The following CCDC142 variants were observed in gnomAD, a reference collection of about 807,000 sequenced individuals.
CCDC142 encodes coiled-coil domain containing 142.
CCDC142 carries 67 observed loss-of-function variants against 83.8 expected under a neutral mutation model. The ratio of observed to expected loss-of-function variants is 0.80; its 90% CI spans 0.66 to 0.98. The LOEUF (loss-of-function observed/expected upper bound fraction) is 0.98. Among genes scored for constraint, CCDC142 ranks in the 50% least tolerant of loss-of-function variants. The pLI is 0.00. For synonymous variants in CCDC142, 421 were observed against 421.2 expected (o/e 1.00, Z 0.01); for missense variants, 905 against 946.8 (o/e 0.96, Z 0.58).
chr2:74,481,245 T>C lies in CCDC142; in HGVS notation c.1236A>G (p.Arg412=), dbSNP rs372821642. Residue 412 remains arginine (R), a synonymous_variant, in exon 3 of 9, where the codon CGA becomes CGG. Coordinates refer to ENST00000393965, the MANE Select transcript of CCDC142 (RefSeq NM_001365575.2). ...LLDALREPRL[R]RIFCQPADPA... ...CACCTGCAGGCTGGCAGAAAATCCGTCGTAACCTGGGCTCTCGAAGGGCAT... is the reference window on the plus strand; with the variant it reads ...CACCTGCAGGCTGGCAGAAAATCCGCCGTAACCTGGGCTCTCGAAGGGCAT... 32 of 1,613,902 alleles carry C rather than the reference T, an allele frequency of 2.0e-5. No individual in the cohort carries two copies. The highest frequency in any genetic ancestry group is 2.6e-5 in the Non-Finnish European group (31 of 1,179,950).
Position 74,481,363 on chromosome 2 carries a change from T to G in CCDC142, c.1118A>C (p.Gln373Pro). Reference protein sequence around the residue: ...LIWSWDQGFCQALGSALGGQS... With the variant: ...LIWSWDQGFCPALGSALGGQS... ...ACCCCCAAGAGCTGATCCCAAGGCC[T>G]GGCAGAAACCTGAGGATGAGAGAGT... The change falls in exon 3 of 9, where the codon CAG becomes CCG. Residue 373 changes from glutamine to proline, a missense_variant. Gln to Pro is a moderately conservative substitution (Grantham distance 76). Around this residue, in one of 3 missense-constraint regions of CCDC142, gnomAD observed 591 missense variants for 571.4 expected, o/e 1.03. Transcript: ENST00000393965. 6.2e-7 allele frequency: 1 copy of G among 1,614,054 alleles called. No homozygotes were observed. The highest frequency in any genetic ancestry group is 1.3e-5 in the African/African-American group (1 of 75,018).
At chr2:74,480,254 C>A (rs1388043687) in intron 5 of CCDC142, among the ~76,000 whole-genome samples, 1 of 152,086 alleles carries the variant, frequency 6.6e-6, no homozygotes, top group Non-Finnish European at 1.5e-5. Context: ...CCATTATACA[C>A]CTCTCTCTAC....
chr2:74,479,421 T>C (rs1409571418), intron 5 of CCDC142, among the ~76,000 whole-genome samples: 1 of 152,166 alleles, frequency 6.6e-6, no homozygotes, highest in Admixed American at 6.5e-5. Context: ...AGAAAAAGTA[T>C]AATGGCTTTA....
chr2:74,475,583 T>C (rs1430717546), intron 6 of CCDC142, 29 bp downstream of exon 6: 2 of 1,582,868 alleles, frequency 1.3e-6, no homozygotes, highest in African/African-American at 1.3e-5. Flanking sequence ...CTTGGAACTC[T>C]GGAAGGAGAA....
At position 74,475,104 on chromosome 2, in the gene CCDC142, G is replaced by C. The variant is rs762591916; in HGVS notation, c.1808C>G (p.Ala603Gly). 9 of 1,610,222 alleles carry C rather than the reference G, an allele frequency of 5.6e-6. No homozygotes were observed. The highest frequency in any genetic ancestry group is 7.6e-6 in the Non-Finnish European group (9 of 1,177,882). ...THGIRFSLQG[A>G]LQLKQDFGVV... ...TCCAAAGTCTTGTTTGAGCTGCAGC[G>C]CTCCCTGCAGGCTGAAGGCAGAGGT... is the stretch of plus-strand genomic sequence containing the variant. Residue 603 changes from alanine (A) to glycine (G), a missense_variant, in exon 8 of 9, where the codon GCG (alanine) becomes GGG (glycine). Coordinates refer to ENST00000393965, the MANE Select transcript of CCDC142 (RefSeq NM_001365575.2).
chr2:74,480,948 C>G lies in CCDC142; in HGVS notation c.1389+8G>C, dbSNP rs753212783. 1 of 1,613,456 alleles carries G rather than the reference C, an allele frequency of 6.2e-7. No homozygotes were observed. The highest frequency in any genetic ancestry group is 1.3e-5 in the African/African-American group (1 of 74,930). On this transcript the variant is annotated splice_region_variant and intron_variant, in intron 4 of 8. Transcript: ENST00000393965. Reference sequence around the variant, plus strand: ...GGCTGCTCCCCTCCCTACTCCCCAGCCACTCACAGGTAAGTCCTTTTGGAT... The same window carrying G: ...GGCTGCTCCCCTCCCTACTCCCCAGGCACTCACAGGTAAGTCCTTTTGGAT...
At position 74,472,985 on chromosome 2, in the gene CCDC142, C is replaced by T. The variant is rs1025954645; in HGVS notation, c.*1561G>A. On this transcript the variant is annotated 3_prime_UTR_variant, in exon 9 of 9. Transcript: ENST00000393965. The stretch of plus-strand genomic sequence containing the variant: ...ACGCCCGTTTTCTGCAGCCTTTCCC[C>T]TTCTGTACCCTGCTGGGCCACATCT... 3.4e-5 allele frequency: 14 copies of T among 407,352 alleles called. No homozygotes were observed. The highest frequency in any genetic ancestry group is 2.5e-4 in the African/African-American group (12 of 48,736). 25.2% of individuals were successfully genotyped at this position (407,352 alleles called of 1,614,324 possible).
At position 74,473,207 on chromosome 2, in the gene CCDC142, A is replaced by T. The variant is rs1053124164; in HGVS notation, c.*1339T>A. 7 of 186,682 alleles carry T rather than the reference A, an allele frequency of 3.7e-5. No homozygotes were observed. The highest frequency in any genetic ancestry group is 1.4e-4 in the African/African-American group (6 of 41,718). The allele number at this position is 186,682 out of a possible 1,614,324, so 11.6% of individuals were successfully genotyped here. ...GACTGAAAATAGTAATAGGAAGGGC[A>T]GTACAGGGTAATACTGTCCTTGGGG... On this transcript the variant is annotated 3_prime_UTR_variant, in exon 9 of 9. Coordinates refer to ENST00000393965, the MANE Select transcript of CCDC142 (RefSeq NM_001365575.2).
rs144253178 is a variant in CCDC142, at chr2:74,474,741, G to A, written c.2058C>T (p.Ser686=). The A allele has an allele frequency of 5.4e-5, 87 of 1,613,948 alleles. No individual in the cohort carries two copies. Among genetic ancestry groups the A allele is most frequent in the African/African-American group, 9.3e-5 (7 of 74,952 alleles). The change falls in exon 9 of 9, where the codon AGC becomes AGT. Residue 686 remains serine (S), a synonymous_variant. Transcript: ENST00000393965. ...TTCCAGGCTGGAGCGGGGGCTCCAA[G>A]CTCTCCAGGCTATTGAGGCAGCTGC... ...LPSSCLNSLE[S]LEPPLQPGTS... is the part of the protein sequence containing the mutation.
At chr2:74,476,812 GA>G (rs777148862) in intron 5 of CCDC142, among the ~76,000 whole-genome samples, 17 of 152,212 alleles carry the variant, frequency 1.1e-4, no homozygotes, top group South Asian at 2.1e-4. Context: ...GCTCTGTAAA[GA>G]AATGGTAGAT....
Position 74,473,688 on chromosome 2 carries a change from C to T in CCDC142, c.*858G>A, listed in dbSNP as rs1672243064. 1 of 152,122 alleles carries T rather than the reference C, an allele frequency of 6.6e-6. No individual in the cohort carries two copies. The highest frequency in any genetic ancestry group is 1.5e-5 in the Non-Finnish European group (1 of 68,078). 9.4% of individuals were successfully genotyped at this position (152,122 alleles called of 1,614,324 possible). A position where few individuals can be genotyped will look rare whatever the true frequency, so the allele number is the denominator to read the frequency against. On this transcript the variant is annotated 3_prime_UTR_variant, in exon 9 of 9. Transcript: ENST00000393965. ...GATGGAGAACTAGGCCTGAACCTCC[C>T]AAGGGTCTGACCTTCAGGTTCCAGG...
At position 74,473,487 on chromosome 2, in the gene CCDC142, AT is replaced by A. The variant is rs1167325790; in HGVS notation, c.*1058del. 6.6e-6 allele frequency among the ~76,000 whole-genome samples: 1 copy of A among 151,400 alleles called. No homozygotes were observed. ...AGGCGCGTGCCACCACGCCCGGCTAATTTTTTGTATTTTTAGTAGAGGCGGG... is the reference window on the plus strand; with the variant it reads ...AGGCGCGTGCCACCACGCCCGGCTAATTTTTGTATTTTTAGTAGAGGCGGG... On this transcript the variant is annotated 3_prime_UTR_variant, in exon 9 of 9. Coordinates refer to ENST00000393965, the MANE Select transcript of CCDC142 (RefSeq NM_001365575.2).
intron 5 of CCDC142, among the ~76,000 whole-genome samples, chr2:74,477,712 G>A (rs1672354637): frequency 6.6e-6 from 1 of 152,142 alleles, no homozygotes; most frequent in African/African-American, 2.4e-5. Flanking sequence ...CTTCCTCAGG[G>A]CTCTATGACC....
chr2:74,475,381 T>C lies in CCDC142; in HGVS notation c.1640A>G (p.Glu547Gly). 1 of 1,591,156 alleles carries C rather than the reference T, an allele frequency of 6.3e-7. No homozygotes were observed. Residue 547 changes from glutamate (E) to glycine (G), a missense_variant, in exon 7 of 9, where the codon GAG (glutamate) becomes GGG (glycine). This residue lies in a region of CCDC142 where 265 missense variants were observed against 288.9 expected (regional missense o/e 0.92). Coordinates refer to ENST00000393965, the MANE Select transcript of CCDC142 (RefSeq NM_001365575.2). The part of the protein sequence containing the change: ...LCPEPPSAPS[E>G]YAGLVVRTVL... ...GGTGCGGACCACTAAACCAGCATAC[T>C]CACTAGGAGCACTGGGAGGTTCTGG...
At chr2:74,481,594 C>T in intron 1 of CCDC142, 56 bp from the exon 2 acceptor site, 2 of 1,533,888 alleles carry the variant, frequency 1.3e-6, no homozygotes, top group Non-Finnish European at 1.8e-6. Context: ...TCCACAACCC[C>T]TGCCCACTCA....
rs36104438 is a variant in CCDC142, at chr2:74,474,081, A to ATTTTTTT, written c.*458_*464dup. ...GCCACCATGCCCTGCCTAATCTTGGATTTTTTTTTTTTTTTTTTTTGAGAC... is the reference window on the plus strand; with the variant it reads ...GCCACCATGCCCTGCCTAATCTTGGATTTTTTTTTTTTTTTTTTTTTTTTTTTGAGAC... On this transcript the variant is annotated 3_prime_UTR_variant, in exon 9 of 9. Transcript: ENST00000393965. 3 of 97,414 alleles carry ATTTTTTT rather than the reference A, an allele frequency of 3.1e-5. No individual in the cohort carries two copies. Among genetic ancestry groups the ATTTTTTT allele is most frequent in the Non-Finnish European group, 6.2e-5 (3 of 48,282 alleles). The allele number at this position is 97,414 out of a possible 1,614,324, so 6.0% of individuals were successfully genotyped here.
rs1322816924 is a variant in CCDC142, at chr2:74,482,022, C to T, written c.816G>A (p.Gly272=). 1.2e-6 allele frequency: 2 copies of T among 1,613,770 alleles called. No homozygotes were observed. Among genetic ancestry groups the T allele is most frequent in the African/African-American group, 1.3e-5 (1 of 75,070 alleles). The change falls in exon 1 of 9, where the codon GGG becomes GGA. Residue 272 remains glycine, a synonymous_variant. Coordinates refer to ENST00000393965, the MANE Select transcript of CCDC142 (RefSeq NM_001365575.2). This position sits in a 1 kb window ranked among gnomAD's most constrained non-coding sequence, Gnocchi z 5.0. ...GGCCCAGCAGCCCTGGTAGCAGATC[C>T]CCCTCCTCTTGGCACCGCCTGCGGA... ...DQLRRRCQEE[G]DLLPGLLGLV...
Position 74,482,888 on chromosome 2 carries a change from C to T in CCDC142, c.-51G>A. 1.3e-6 allele frequency: 2 copies of T among 1,567,676 alleles called. No homozygotes were observed. The highest frequency in any genetic ancestry group is 2.3e-5 in the South Asian group (2 of 85,708). The stretch of plus-strand genomic sequence containing the variant: ...AACGATTCCCACTTCCCTGCACGGA[C>T]CAACGCCCGCCGCAGCTCGGACTTC... On this transcript the variant is annotated 5_prime_UTR_variant, in exon 1 of 9. The change creates a premature stop within an existing upstream ORF in the 5' untranslated region. Coordinates refer to ENST00000393965, the MANE Select transcript of CCDC142 (RefSeq NM_001365575.2). This position sits in a 1 kb window ranked among gnomAD's most constrained non-coding sequence, Gnocchi z 5.0.
intron 5 of CCDC142, 121 bp downstream of exon 5, chr2:74,480,647 AT>A (rs1672419270): frequency 1.6e-6 from 1 of 620,854 alleles, no homozygotes; most frequent in East Asian, 2.7e-5. Flanking sequence ...GCAAAAAAAG[AT>A]ACATTTAGCA....
Sources: allele counts gnomAD v4.1 joint callset (sites outside exome capture counted in the v4.1 genomes callset), GRCh38; gene constraint gnomAD v4.1.1; regional missense constraint gnomAD v4.1.1; non-coding constraint Gnocchi (gnomAD v3.1); transcripts MANE v1.5; gene names NCBI Gene and HGNC (gene_info 2026-07-23, HGNC 2026-07-21).